RGL1: variants seen among roughly 807,000 people sequenced by gnomAD.
RGL1 encodes the protein ral guanine nucleotide dissociation stimulator like 1, also known as ral guanine nucleotide dissociation stimulator-like 1.
Under a neutral mutation model 95.2 loss-of-function variants are expected in RGL1, and 24 were observed. That is an observed-to-expected ratio of 0.25 (90% CI 0.18 to 0.35). RGL1 has a LOEUF of 0.35. Ranked by LOEUF, RGL1 falls within the 10% of genes least tolerant of loss-of-function variation. The probability of loss-of-function intolerance (pLI) is 1.00; values close to 1 mark genes in which losing one functional copy is unlikely to be tolerated. For missense variants in RGL1, 715 were observed against 936.3 expected (o/e 0.76, Z 3.08); for synonymous variants, 329 against 344.9 (o/e 0.95, Z 0.51).
chr1:183,810,843 G>A (rs142188586), intron 2 of RGL1, among the ~76,000 whole-genome samples: 9 of 152,268 alleles, frequency 5.9e-5, no homozygotes, highest in South Asian at 2.1e-4. Flanking sequence ...TGGATGAGGC[G>A]TCCCTTCTGT....
intron 2 of RGL1, among the ~76,000 whole-genome samples, chr1:183,762,673 A>C (rs1167503926): frequency 6.6e-6 from 1 of 152,220 alleles, no homozygotes; most frequent in African/African-American, 2.4e-5. Flanking sequence ...AGAAATACAA[A>C]TCAAAACCAC....
At chr1:183,925,510 C>T (rs1669563940) in intron 17 of RGL1, among the ~76,000 whole-genome samples, 1 of 151,850 alleles carries the variant, frequency 6.6e-6, no homozygotes, top group African/African-American at 2.4e-5. Context: ...AAGATATGCA[C>T]GTTCAGCACA....
At position 183,888,502 on chromosome 1, in the gene RGL1, C is replaced by G; in HGVS notation, c.980C>G (p.Ser327Cys). The G allele has an allele frequency of 6.2e-7, 1 of 1,612,904 alleles. No homozygotes were observed. Among genetic ancestry groups the G allele is most frequent in the Non-Finnish European group, 8.5e-7 (1 of 1,179,018 alleles). The change falls in exon 8 of 18, where the codon TCC becomes TGC. Residue 327 changes from serine to cysteine, a missense_variant. Physicochemically the swap from Ser to Cys is moderately radical, Grantham distance 112. Around this residue, in one of 3 missense-constraint regions of RGL1, gnomAD observed 381 missense variants for 484.8 expected, o/e 0.79. Transcript: ENST00000360851. Reference protein sequence around the residue: ...HECRLLKNFSSLRAIVSALQS... With the variant: ...HECRLLKNFSCLRAIVSALQS... ...TGTAGACTCCTGAAGAATTTTTCCTCCTTGAGGGCCATCGTTTCGGCACTG... is the reference window on the plus strand; with the variant it reads ...TGTAGACTCCTGAAGAATTTTTCCTGCTTGAGGGCCATCGTTTCGGCACTG...
intron 10 of RGL1, among the ~76,000 whole-genome samples, chr1:183,899,882 A>G (rs1256115173): frequency 6.6e-6 from 1 of 152,244 alleles, no homozygotes; most frequent in Non-Finnish European, 1.5e-5. Context: ...CCAAAGCAAA[A>G]CATAAACCCC....
chr1:183,820,196 C>T (rs1662375585), intron 2 of RGL1, among the ~76,000 whole-genome samples: 1 of 152,152 alleles, frequency 6.6e-6, no homozygotes, highest in East Asian at 1.9e-4. Flanking sequence ...TTTTTGTTCA[C>T]AGGCACACAT....
At chr1:183,919,265 G>A (rs1558295430) in intron 16 of RGL1, among the ~76,000 whole-genome samples, 1 of 152,180 alleles carries the variant, frequency 6.6e-6, no homozygotes, top group East Asian at 1.9e-4. Context: ...CTGTTAAAAT[G>A]TGAGTGAGAC....
intron 3 of RGL1, among the ~76,000 whole-genome samples, chr1:183,864,304 A>T (rs1198108890): frequency 5.9e-5 from 9 of 152,378 alleles, no homozygotes; most frequent in African/African-American, 2.2e-4. Flanking sequence ...TTAATGGACT[A>T]ACATGGAATG....
chr1:183,804,702 C>T (rs1397039660), upstream of RGL1, among the ~76,000 whole-genome samples: 1 of 152,204 alleles, frequency 6.6e-6, no homozygotes, highest in Admixed American at 6.5e-5. Flanking sequence ...CCCGGGTGTC[C>T]TCTGACCTTA....
chr1:183,822,872 C>T (rs1662586334), intron 2 of RGL1, among the ~76,000 whole-genome samples: 1 of 152,196 alleles, frequency 6.6e-6, no homozygotes, highest in Admixed American at 6.5e-5. Flanking sequence ...CAACTCCACA[C>T]TTCAGCTAAC....
At chr1:183,842,352 A>G (rs969383313) in intron 2 of RGL1, among the ~76,000 whole-genome samples, 1 of 150,892 alleles carries the variant, frequency 6.6e-6, no homozygotes, top group Non-Finnish European at 1.5e-5. Flanking sequence ...TTTTCAAATT[A>G]GAAACACCCA....
chr1:183,675,768 G>A (rs150792898), intron 1 of RGL1, among the ~76,000 whole-genome samples: 286 of 152,098 alleles, frequency 1.9e-3, no homozygotes, highest in Non-Finnish European at 2.0e-3. Context: ...CTTTTTTGGG[G>A]ACCATAAAGA....
intron 2 of RGL1, among the ~76,000 whole-genome samples, chr1:183,836,944 G>C (rs1663704000): frequency 6.6e-6 from 1 of 152,154 alleles, no homozygotes; most frequent in African/African-American, 2.4e-5. Flanking sequence ...GGATAATGGG[G>C]CTTTGGTTTT....
intron 15 of RGL1, among the ~76,000 whole-genome samples, chr1:183,916,049 C>G (rs1558292957): frequency 6.6e-6 from 1 of 152,234 alleles, no homozygotes; most frequent in Admixed American, 6.5e-5. Context: ...ACTACGAAAT[C>G]TGACTGCAGT....
intron 2 of RGL1, among the ~76,000 whole-genome samples, chr1:183,769,961 T>C (rs1168221731): frequency 6.6e-6 from 1 of 152,228 alleles, no homozygotes; most frequent in Non-Finnish European, 1.5e-5. Context: ...GCCACACTTC[T>C]CTAGATTGCA....
At chr1:183,878,153 T>C (rs1666621412) in intron 4 of RGL1, among the ~76,000 whole-genome samples, 1 of 118,542 alleles carries the variant, frequency 8.4e-6, no homozygotes, top group South Asian at 2.5e-4. Context: ...ATTTTCTTTC[T>C]ATCTATCTAT....
intron 1 of RGL1, among the ~76,000 whole-genome samples, chr1:183,702,838 G>T (rs1654682988): frequency 6.6e-6 from 1 of 152,230 alleles, no homozygotes; most frequent in African/African-American, 2.4e-5. Context: ...GCGGTGTGGA[G>T]CAACACGCTG....
rs1270018764 is a variant in RGL1, at chr1:183,926,334, G to A, written c.*42G>A. 7.1e-6 allele frequency: 11 copies of A among 1,551,652 alleles called. No individual in the cohort carries two copies. The highest frequency in any genetic ancestry group is 9.6e-6 in the Non-Finnish European group (11 of 1,142,624). ...CCCCTTGTTTGCCAAAGGCAGAGTG[G>A]GGCTGAGAAACAGGCTGCGGTGATT... On this transcript the variant is annotated 3_prime_UTR_variant, in exon 18 of 18. Transcript: ENST00000360851.
chr1:183,839,057 A>T (rs1460594620), intron 2 of RGL1, among the ~76,000 whole-genome samples: 1 of 152,208 alleles, frequency 6.6e-6, no homozygotes, highest in Non-Finnish European at 1.5e-5. Flanking sequence ...CTCTGCCCAG[A>T]AATGCCATCA....
chr1:183,685,018 C>T (rs1653483528), intron 1 of RGL1, among the ~76,000 whole-genome samples: 2 of 152,186 alleles, frequency 1.3e-5, no homozygotes, highest in Admixed American at 6.5e-5. Context: ...AGCTACAGAC[C>T]AGAGCTGTTT....
Sources: allele counts gnomAD v4.1 joint callset (sites outside exome capture counted in the v4.1 genomes callset), GRCh38; gene constraint gnomAD v4.1.1; regional missense constraint gnomAD v4.1.1; transcripts MANE v1.5; gene names NCBI Gene and HGNC (gene_info 2026-07-23, HGNC 2026-07-21).